SLC34A1: variants seen among roughly 807,000 people sequenced by gnomAD.
SLC34A1 encodes the protein sodium-dependent phosphate transport protein 2A.
A neutral mutation model predicts 51.4 loss-of-function variants in SLC34A1; 57 were observed. The observed-to-expected ratio is 1.11, with a 90% CI of 0.90 to 1.38. The LOEUF (loss-of-function observed/expected upper bound fraction) is 1.38, where lower values mean the gene tolerates loss of function less well. Ranked by LOEUF, SLC34A1 falls within the 40% of genes most tolerant of loss-of-function variation. The pLI is 0.00. For missense variants in SLC34A1, 796 were observed against 835.6 expected (o/e 0.95, Z 0.58); for synonymous variants, 368 against 358.0 (o/e 1.03, Z -0.32).
Position 177,386,740 on chromosome 5 carries a change from A to G in SLC34A1, c.532+174A>G, listed in dbSNP as rs940462420. The stretch of plus-strand genomic sequence containing the variant: ...TAGCTGTATGTGACCCAGATGATTT[A>G]TGGCAAGGAACTGGCTTCCCCGATG... On this transcript the variant is annotated intron_variant, in intron 5 of 12. Coordinates refer to ENST00000324417, the MANE Select transcript of SLC34A1 (RefSeq NM_003052.5). The surrounding 1 kb of genome is among the most constrained non-coding windows in gnomAD (Gnocchi z 4.8). Among the ~76,000 whole-genome samples the G allele has an allele frequency of 2.0e-5, 3 of 152,098 alleles. No homozygotes were observed. The highest frequency in any genetic ancestry group is 7.2e-5 in the African/African-American group (3 of 41,406).
rs769685421 is a variant in SLC34A1, at chr5:177,398,587, T to C, written c.*301T>C. On this transcript the variant is annotated 3_prime_UTR_variant, in exon 13 of 13. Coordinates refer to ENST00000324417, the MANE Select transcript of SLC34A1 (RefSeq NM_003052.5). This position sits in a 1 kb window ranked among gnomAD's most constrained non-coding sequence, Gnocchi z 4.7. ...GTGTGCAGGCTGCAGGATATCTGGG[T>C]ATGATTTCAGGTCCTCTGCACGTGT... 167 of 524,126 alleles carry C rather than the reference T, an allele frequency of 3.2e-4. No individual in the cohort carries two copies. In the Middle Eastern group the frequency reaches 6.5e-3, roughly 21 times the overall value. The allele number at this position is 524,126 out of a possible 1,614,324, so 32.5% of individuals were successfully genotyped here.
rs183899763 is a variant in SLC34A1, at chr5:177,388,578, A to C, written c.936+206A>C. Among the ~76,000 whole-genome samples the C allele has an allele frequency of 3.9e-3, 599 of 151,808 alleles. 3 individuals are homozygous for C. The highest frequency in any genetic ancestry group is 6.2e-3 in the Non-Finnish European group (420 of 67,962). ...TTAGGCAGACATCACCAATCAATTA[A>C]AGTTGTTATGTAATTGATCTAGCCC... On this transcript the variant is annotated intron_variant, in intron 8 of 12. Transcript: ENST00000324417. This position sits in a 1 kb window ranked among gnomAD's most constrained non-coding sequence, Gnocchi z 4.3.
chr5:177,391,169 T>C lies in SLC34A1; in HGVS notation c.937-2525T>C, dbSNP rs527314772. 7.9e-5 allele frequency among the ~76,000 whole-genome samples: 12 copies of C among 152,258 alleles called. No homozygotes were observed. In the South Asian group the frequency reaches 2.5e-3, roughly 32 times the overall value. Reference sequence around the variant, plus strand: ...CCCCAGATCCTGGGCCTCCCAGCTCTTTTATCTAAGCTGGAGTTTCCATCT... The same window carrying C: ...CCCCAGATCCTGGGCCTCCCAGCTCCTTTATCTAAGCTGGAGTTTCCATCT... On this transcript the variant is annotated intron_variant, in intron 8 of 12. Transcript: ENST00000324417.
rs773897673 is a variant in SLC34A1, at chr5:177,397,939, C to A, written c.1573C>A (p.Leu525Met). 1 of 1,614,120 alleles carries A rather than the reference C, an allele frequency of 6.2e-7. No individual in the cohort carries two copies. The highest frequency in any genetic ancestry group is 1.7e-5 in the Admixed American group (1 of 60,034). ...CCTCTATCTCCTTGTCTGCTTCCTG[C>A]TGCTGCCCTCACTGGTGTTTGGCAT... ...AVLYLLVCFL[L>M]LPSLVFGISM... Residue 525 changes from leucine (L) to methionine (M), a missense_variant, in exon 13 of 13, where the codon CTG (leucine) becomes ATG (methionine). Transcript: ENST00000324417.
In SLC34A1 at chr5:177,388,218, G is replaced by T. The variant is rs752043586; in HGVS notation, c.840+29G>T. 5 of 1,613,800 alleles carry T rather than the reference G, an allele frequency of 3.1e-6. No individual in the cohort carries two copies. In the African/African-American group the frequency reaches 6.7e-5, roughly 22 times the overall value. On this transcript the variant is annotated intron_variant, in intron 7 of 12. Coordinates refer to ENST00000324417, the MANE Select transcript of SLC34A1 (RefSeq NM_003052.5). This position sits in a 1 kb window ranked among gnomAD's most constrained non-coding sequence, Gnocchi z 4.3. ...ACAGCAGGGCCTGGCATGGGGTGAG[G>T]GTGGGGGTAACAAGGGACCCAGCCT...
At chr5:177,391,440 A>G (rs1265703730) in intron 8 of SLC34A1, among the ~76,000 whole-genome samples, 1 of 152,168 alleles carries the variant, frequency 6.6e-6, no homozygotes, top group Non-Finnish European at 1.5e-5. Flanking sequence ...ATTCTCCTCC[A>G]GCCTTCGCAG....
In SLC34A1 at chr5:177,385,802, G is replaced by C; in HGVS notation, c.61G>C (p.Gly21Arg). The C allele has an allele frequency of 6.2e-7, 1 of 1,613,400 alleles. No homozygotes were observed. Among genetic ancestry groups the C allele is most frequent in the Non-Finnish European group, 8.5e-7 (1 of 1,179,900 alleles). Residue 21 changes from glycine to arginine, a missense_variant, in exon 2 of 13, where the codon GGG becomes CGG. Coordinates refer to ENST00000324417, the MANE Select transcript of SLC34A1 (RefSeq NM_003052.5). ...TGTCTCCCCACTCCCAGTCCGTGGGGGGCATGTGATGCGAGGGACGGCCTT... is the reference window on the plus strand; with the variant it reads ...TGTCTCCCCACTCCCAGTCCGTGGGCGGCATGTGATGCGAGGGACGGCCTT... ...PAVSPLPVRGGHVMRGTAFAY... is the reference protein window; with the variant it reads ...PAVSPLPVRGRHVMRGTAFAY...
Position 177,388,107 on chromosome 5 carries a change from C to T in SLC34A1, c.758C>T (p.Ala253Val), listed in dbSNP as rs750945199. ...CACCACATCACTCGACTTGTGGTGGCCTCCTTCAACATCCATGGTGGCCGT... is the reference window on the plus strand; with the variant it reads ...CACCACATCACTCGACTTGTGGTGGTCTCCTTCAACATCCATGGTGGCCGT... Reference protein sequence around the residue: ...YLHHITRLVVASFNIHGGRDA... With the variant: ...YLHHITRLVVVSFNIHGGRDA... The change falls in exon 7 of 13, where the codon GCC becomes GTC. Residue 253 changes from alanine (A) to valine (V), a missense_variant. Transcript: ENST00000324417. This position sits in a 1 kb window ranked among gnomAD's most constrained non-coding sequence, Gnocchi z 4.3. 11 of 1,613,966 alleles carry T rather than the reference C, an allele frequency of 6.8e-6. No homozygotes were observed. The highest frequency in any genetic ancestry group is 2.7e-5 in the African/African-American group (2 of 74,908).
chr5:177,387,259 G>C (rs989606324), intron 5 of SLC34A1, among the ~76,000 whole-genome samples: 5 of 152,020 alleles, frequency 3.3e-5, no homozygotes, highest in Admixed American at 2.6e-4. Flanking sequence ...GCCAGGCGTG[G>C]TGGCAGGTGT....
At position 177,396,707 on chromosome 5, in the gene SLC34A1, C is replaced by A; in HGVS notation, c.1175-26C>A. ...CCCAATGTCCCCGCTCTGACCCCAG[C>A]CTGCTGGGATGCGGTTTCCTTGCAG... On this transcript the variant is annotated intron_variant, in intron 10 of 12. Coordinates refer to ENST00000324417, the MANE Select transcript of SLC34A1 (RefSeq NM_003052.5). This position sits in a 1 kb window ranked among gnomAD's most constrained non-coding sequence, Gnocchi z 4.0. 1 of 1,605,890 alleles carries A rather than the reference C, an allele frequency of 6.2e-7. No homozygotes were observed. Among genetic ancestry groups the A allele is most frequent in the Non-Finnish European group, 8.5e-7 (1 of 1,172,494 alleles).
At chr5:177,390,224 A>G in intron 8 of SLC34A1, 3 of 993,318 alleles carry the variant, frequency 3.0e-6, no homozygotes, top group Non-Finnish European at 3.6e-6. Flanking sequence ...GGCAAGTCCA[A>G]GGCCTACCAG....
At position 177,394,140 on chromosome 5, in the gene SLC34A1, C is replaced by A; in HGVS notation, c.1119C>A (p.Leu373=). Residue 373 remains leucine (L), a synonymous_variant, in exon 10 of 13, where the codon CTC becomes CTA. Coordinates refer to ENST00000324417, the MANE Select transcript of SLC34A1 (RefSeq NM_003052.5). ...CTCLILLVKM[L]NSLLKGQVAK... is the part of the protein sequence containing the mutation. ...GCCTCATCCTCCTAGTCAAGATGCT[C>A]AACTCCCTGCTCAAGGGCCAAGTGG... 6.2e-7 allele frequency: 1 copy of A among 1,614,078 alleles called. No homozygotes were observed. The highest frequency in any genetic ancestry group is 8.5e-7 in the Non-Finnish European group (1 of 1,180,034).
chr5:177,398,379 G>T lies in SLC34A1; in HGVS notation c.*93G>T. 6.9e-7 allele frequency: 1 copy of T among 1,446,882 alleles called. No individual in the cohort carries two copies. The allele number at this position is 1,446,882 out of a possible 1,614,324, so 89.6% of individuals were successfully genotyped here. ...TGTGTAGGTATGTGCATGTGCCTGT[G>T]CCACCCTGGGTGCCAGTCTCTCCTT... On this transcript the variant is annotated 3_prime_UTR_variant, in exon 13 of 13. Coordinates refer to ENST00000324417, the MANE Select transcript of SLC34A1 (RefSeq NM_003052.5). This position sits in a 1 kb window ranked among gnomAD's most constrained non-coding sequence, Gnocchi z 4.7.
rs1230149812 is a variant in SLC34A1, at chr5:177,396,481, G to A, written c.1175-252G>A. On this transcript the variant is annotated intron_variant, in intron 10 of 12. Transcript: ENST00000324417. This position sits in a 1 kb window ranked among gnomAD's most constrained non-coding sequence, Gnocchi z 4.0. Reference sequence around the variant, plus strand: ...GGTCCGCTCTCCCAGTGCCCCCGCGGAGGTCCTCTCTCCCAGTGCCCCCGC... The same window carrying A: ...GGTCCGCTCTCCCAGTGCCCCCGCGAAGGTCCTCTCTCCCAGTGCCCCCGC... Among the ~76,000 whole-genome samples the A allele has an allele frequency of 2.3e-5, 3 of 132,286 alleles. No individual in the cohort carries two copies. The highest frequency in any genetic ancestry group is 8.1e-5 in the African/African-American group (3 of 37,062). 86.8% of individuals were successfully genotyped at this position (132,286 alleles called of 152,430 possible). A position where few individuals can be genotyped will look rare whatever the true frequency, so the allele number is the denominator to read the frequency against.
At chr5:177,387,538 C>T (rs759613606) in intron 5 of SLC34A1, among the ~76,000 whole-genome samples, 2 of 152,262 alleles carry the variant, frequency 1.3e-5, no homozygotes, top group Non-Finnish European at 2.9e-5. Flanking sequence ...CATCCATACA[C>T]CATGTGCAGC....
chr5:177,397,675 T>A (rs1164837559), intron 12 of SLC34A1, 108 bp from the exon 13 acceptor site: 1 of 1,495,146 alleles, frequency 6.7e-7, no homozygotes, highest in Admixed American at 1.7e-5. Context: ...AGTGGAAACT[T>A]TCCTGCTGCC....
intron 5 of SLC34A1, 26 bp from the exon 6 acceptor site, chr5:177,387,736 C>G: frequency 6.3e-7 from 1 of 1,586,648 alleles, no homozygotes; most frequent in East Asian, 2.2e-5. Context: ...CCGTCAAATT[C>G]ATTAGGACGT....
At chr5:177,395,608 G>A (rs1216469219) in intron 10 of SLC34A1, among the ~76,000 whole-genome samples, 3 of 152,020 alleles carry the variant, frequency 2.0e-5, no homozygotes, top group Admixed American at 2.0e-4. Context: ...TTGGGGTAAG[G>A]GAGCAACACC....
intron 8 of SLC34A1, among the ~76,000 whole-genome samples, chr5:177,392,748 T>C (rs1762845420): frequency 6.6e-6 from 1 of 152,166 alleles, no homozygotes; most frequent in South Asian, 2.1e-4. Context: ...TCCAACCTCC[T>C]GAGTAGCTAG....
Sources: allele counts gnomAD v4.1 joint callset (sites outside exome capture counted in the v4.1 genomes callset), GRCh38; gene constraint gnomAD v4.1.1; non-coding constraint Gnocchi (gnomAD v3.1); transcripts MANE v1.5; gene names NCBI Gene and HGNC (gene_info 2026-07-23, HGNC 2026-07-21).